Variants in LOC128125822 observed in about 807,000 individuals in gnomAD.
At chr6:63,581,048 G>T in the LOC128125822 span, 1 of 151,956 alleles carries the variant, frequency 6.6e-6, no homozygotes, top group South Asian at 2.1e-4. Context: ...GAGATGCTTT[G>T]TTATTGTAAT....
the LOC128125822 span, among the ~76,000 whole-genome samples, chr6:63,576,078 CAT>C: frequency 2.3e-4 from 35 of 149,602 alleles, no homozygotes; most frequent in East Asian, 1.4e-3. Context: ...TTATTAGAAT[CAT>C]ATAATTATAT....
At chr6:63,581,964 TTATAAA>T in the LOC128125822 span, 2 of 152,168 alleles carry the variant, frequency 1.3e-5, no homozygotes, top group African/African-American at 4.8e-5. Context: ...TGAATAGCAG[TTATAAA>T]TGTAAAGGAC....
At chr6:63,582,398 AAAAT>A in the LOC128125822 span, 4 of 152,644 alleles carry the variant, frequency 2.6e-5, no homozygotes, top group South Asian at 2.1e-4. Context: ...TATGGTGCTA[AAAAT>A]AAATTAATTT....
At chr6:63,576,327 C>A in the LOC128125822 span, 2 of 391,726 alleles carry the variant, frequency 5.1e-6, no homozygotes, top group African/African-American at 4.1e-5. Context: ...GCGGCTCAGG[C>A]CCTGCTTTAG....
At chr6:63,579,161 G>T in the LOC128125822 span, 1 of 1,392,108 alleles carries the variant, frequency 7.2e-7, no homozygotes, top group Non-Finnish European at 9.8e-7. Flanking sequence ...AGGAAGGGTG[G>T]TAGATAATAC....
At chr6:63,576,505 CAGCACGACCTCTATGCAGACA>C in the LOC128125822 span, 1 of 404,344 alleles carries the variant, frequency 2.5e-6, no homozygotes. Flanking sequence ...CTGCCAGGCA[CAGCACGACCTCTATGCAGACA>C]AGTGAACTGT....
At chr6:63,578,985 C>G in the LOC128125822 span, 1 of 1,607,414 alleles carries the variant, frequency 6.2e-7, no homozygotes, top group Non-Finnish European at 8.5e-7. Context: ...TCGTGAAGAA[C>G]CTGGTTGTTG....
chr6:63,581,990 A>G, the LOC128125822 span: 1 of 152,184 alleles, frequency 6.6e-6, no homozygotes, highest in African/African-American at 2.4e-5. Flanking sequence ...CTCAAAGTTT[A>G]AGTAAAAAGT....
At chr6:63,578,342 G>A in the LOC128125822 span, 1 of 1,341,048 alleles carries the variant, frequency 7.5e-7, no homozygotes, top group Non-Finnish European at 9.8e-7. Context: ...CTGTTAACCA[G>A]CATACTTACT....
chr6:63,579,246 T>TA, the LOC128125822 span: 2 of 1,594,028 alleles, frequency 1.3e-6, no homozygotes, highest in Non-Finnish European at 1.7e-6. Context: ...TCAAAATTCT[T>TA]ACCTCACCAG....
the LOC128125822 span, chr6:63,578,416 T>A: frequency 2.5e-6 from 4 of 1,596,616 alleles, no homozygotes; most frequent in East Asian, 9.0e-5. Flanking sequence ...TTAAGATTTT[T>A]TTAATGTACG....
At chr6:63,577,149 T>A in the LOC128125822 span, among the ~76,000 whole-genome samples, 3 of 152,236 alleles carry the variant, frequency 2.0e-5, no homozygotes, top group African/African-American at 7.2e-5. Flanking sequence ...GGTATATTTG[T>A]ACATTTTGAG....
chr6:63,580,801 T>TA, the LOC128125822 span: 4 of 152,492 alleles, frequency 2.6e-5, no homozygotes, highest in Admixed American at 6.6e-5. Context: ...TGTGCTGTAT[T>TA]AAAAAAACCT....
the LOC128125822 span, chr6:63,572,593 G>GCCACCGCCGCTCCGCCACGA: frequency 9.6e-6 from 4 of 417,416 alleles, no homozygotes; most frequent in East Asian, 3.5e-5. Context: ...CTGCATCGCC[G>GCCACCGCCGCTCCGCCACGA]CCACCGCCGC....
At chr6:63,578,392 G>A in the LOC128125822 span, 1 of 1,573,388 alleles carries the variant, frequency 6.4e-7, no homozygotes, top group Non-Finnish European at 8.6e-7. Context: ...GAGTTATAGT[G>A]ATGTGGTTAA....
the LOC128125822 span, chr6:63,572,822 C>T: frequency 1.3e-5 from 5 of 396,008 alleles, no homozygotes; most frequent in Non-Finnish European, 1.8e-5. Flanking sequence ...CTCCAGGTTG[C>T]CCCGGGTTGC....
the LOC128125822 span, among the ~76,000 whole-genome samples, chr6:63,579,787 A>G: frequency 6.6e-6 from 1 of 152,156 alleles, no homozygotes; most frequent in Non-Finnish European, 1.5e-5. Flanking sequence ...ACTATAAATT[A>G]GTTTTGTCTT....
the LOC128125822 span, chr6:63,572,642 C>T: frequency 2.4e-6 from 1 of 417,734 alleles, no homozygotes; most frequent in Non-Finnish European, 4.1e-6. Context: ...CTGCAGCCAC[C>T]GCCACCGCCT....
At chr6:63,580,031 T>C in the LOC128125822 span, 1 of 1,519,128 alleles carries the variant, frequency 6.6e-7, no homozygotes, top group Non-Finnish European at 9.1e-7. Flanking sequence ...TTGCCTTGTT[T>C]CATTTTTTTT....
Sources: allele counts gnomAD v4.1 joint callset (sites outside exome capture counted in the v4.1 genomes callset), GRCh38; gene constraint gnomAD v4.1.1; transcripts MANE v1.5.